The following SGSM1 variants were observed in gnomAD, a reference collection of about 807,000 sequenced individuals.
The protein encoded by SGSM1 is RUN and TBC1 domain containing 2.
A neutral mutation model predicts 133.8 loss-of-function variants in SGSM1; 73 were observed. The observed-to-expected ratio is 0.55, with a 90% confidence interval of 0.45 to 0.66. The LOEUF is 0.66. Ranked by LOEUF, SGSM1 falls within the 30% of genes least tolerant of loss-of-function variation. The pLI, the probability that SGSM1 is intolerant of heterozygous loss-of-function variation, is 0.00. For missense variants in SGSM1, 1,213 were observed against 1,448.1 expected (o/e 0.84, Z 2.64); for synonymous variants, 563 against 573.0 (o/e 0.98, Z 0.25).
rs1601891134 is a variant in SGSM1 at position 24,822,100 on chromosome 22, T to TTG, written c.63+15617_63+15618insGT. Among the ~76,000 whole-genome samples, 4 of 143,592 alleles carry TTG rather than the reference T, an allele frequency of 2.8e-5. No homozygotes were observed. The East Asian group carries it at 8.5e-4, about 30-fold the overall frequency. The allele number at this position is 143,592 out of a possible 152,430, so 94.2% of individuals were successfully genotyped here. A position where few individuals can be genotyped will look rare whatever the true frequency, so the allele number is the denominator to read the frequency against. ...TGTTCATCTCTCTCTTTTTTTTTTT[T>TTG]TTTTTTTTGAGACAGAGTCTTGCTC... On this transcript the variant is annotated intron_variant, in intron 2 of 24. Coordinates refer to ENST00000400358, the MANE Select transcript of SGSM1 (RefSeq NM_001098497.3).
chr22:24,816,417 C>CTTTTTTTTTTT (rs3062145), intron 2 of SGSM1, among the ~76,000 whole-genome samples: 5 of 130,100 alleles, frequency 3.8e-5, no homozygotes, highest in African/African-American at 8.4e-5. Context: ...TTTTTTCTTT[C>CTTTTTTTTTTT]TTTTTTTTTT....
At chr22:24,904,764 G>A (rs1384860721) in intron 20 of SGSM1, among the ~76,000 whole-genome samples, 3 of 152,118 alleles carry the variant, frequency 2.0e-5, no homozygotes, top group African/African-American at 7.2e-5. Context: ...TGGAGAGGAA[G>A]ACAGTGGGAA....
intron 8 of SGSM1, among the ~76,000 whole-genome samples, chr22:24,857,407 C>CAA (rs35981293): frequency 0.042 from 4,999 of 119,864 alleles, 413 homozygotes; most frequent in African/African-American, 0.14. Flanking sequence ...GACTCTGTCT[C>CAA]AAAAAAAAAA....
intron 2 of SGSM1, among the ~76,000 whole-genome samples, chr22:24,819,573 C>A (rs572393261): frequency 1.3e-5 from 2 of 152,320 alleles, no homozygotes; most frequent in East Asian, 1.9e-4. Context: ...TTTTTACTTA[C>A]CCAGAGTGCC....
At chr22:24,879,279 G>A (rs1932190198) in intron 13 of SGSM1, among the ~76,000 whole-genome samples, 183 bp from the exon 14 acceptor site, 1 of 152,176 alleles carries the variant, frequency 6.6e-6, no homozygotes, top group Non-Finnish European at 1.5e-5. Context: ...GGGAAAATCA[G>A]GGGGCCGGTA....
rs774822020 is a variant in SGSM1 at position 24,898,097 on chromosome 22, C to T, written c.2148C>T (p.Ser716=). Residue 716 remains serine (S), a synonymous_variant, in exon 19 of 25, where the codon TCC becomes TCT. Coordinates refer to ENST00000400358, the MANE Select transcript of SGSM1 (RefSeq NM_001098497.3). Reference sequence around the variant, plus strand: ...GTTCCCCAGACTCGGGTCATCCTTCCTCCCATAACTTCTCCTCGGGCCTCT... The same window carrying T: ...GTTCCCCAGACTCGGGTCATCCTTCTTCCCATAACTTCTCCTCGGGCCTCT... The part of the protein sequence containing the change: ...GTCSPDSGHP[S]SHNFSSGLSE... 9 of 1,613,992 alleles carry T rather than the reference C, an allele frequency of 5.6e-6. No homozygotes were observed. The highest frequency in any genetic ancestry group is 1.6e-4 in the Middle Eastern group (1 of 6,062).
chr22:24,900,676 C>A (rs1601973237), intron 19 of SGSM1, among the ~76,000 whole-genome samples: 1 of 152,278 alleles, frequency 6.6e-6, no homozygotes, highest in East Asian at 1.9e-4. Flanking sequence ...GGATTACAGG[C>A]ATGAGCCACG....
intron 18 of SGSM1, among the ~76,000 whole-genome samples, chr22:24,896,015 C>A (rs1027182869): frequency 1.3e-5 from 2 of 152,176 alleles, no homozygotes; most frequent in Non-Finnish European, 2.9e-5. Context: ...CGCCACTGCA[C>A]TCCAGCCTGG....
intron 2 of SGSM1, among the ~76,000 whole-genome samples, chr22:24,830,027 T>A (rs1929020312): frequency 6.7e-6 from 1 of 149,704 alleles, no homozygotes; most frequent in South Asian, 2.1e-4. Context: ...GTCCACAGTC[T>A]GGTCTGTGCC....
chr22:24,819,557 T>C (rs1928345876), intron 2 of SGSM1, among the ~76,000 whole-genome samples: 1 of 152,184 alleles, frequency 6.6e-6, no homozygotes. Flanking sequence ...GATTGACCTG[T>C]TGATGTTTTT....
At chr22:24,910,005 A>G (rs1933560616) in intron 21 of SGSM1, among the ~76,000 whole-genome samples, 1 of 152,228 alleles carries the variant, frequency 6.6e-6, no homozygotes, top group South Asian at 2.1e-4. Flanking sequence ...ATGGAATATT[A>G]TTTGGCAAAA....
intron 2 of SGSM1, among the ~76,000 whole-genome samples, chr22:24,821,581 A>G (rs1928472118): frequency 6.6e-6 from 1 of 152,192 alleles, no homozygotes; most frequent in African/African-American, 2.4e-5. Flanking sequence ...CTTCTCTACA[A>G]AAGCTCCAAA....
At chr22:24,882,901 T>C (rs565984056) in intron 14 of SGSM1, among the ~76,000 whole-genome samples, 22 of 151,356 alleles carry the variant, frequency 1.5e-4, no homozygotes, top group African/African-American at 5.1e-4. Context: ...TTTTTTTTTT[T>C]CTTTCTTTTT....
chr22:24,819,587 C>G (rs1452542151), intron 2 of SGSM1, among the ~76,000 whole-genome samples: 1 of 152,216 alleles, frequency 6.6e-6, no homozygotes, highest in Non-Finnish European at 1.5e-5. Flanking sequence ...GAGTGCCTCC[C>G]TTGATCTGGC....
chr22:24,868,750 C>T lies in SGSM1; in HGVS notation c.1186C>T (p.Arg396Ter), dbSNP rs1041327561. The T allele has an allele frequency of 5.6e-6, 9 of 1,613,868 alleles. No individual in the cohort carries two copies. The highest frequency in any genetic ancestry group is 7.6e-6 in the Non-Finnish European group (9 of 1,179,892). The stretch of plus-strand genomic sequence containing the variant: ...CAAAGTGTTTCCTAAACTGCGCAAG[C>T]GAAGCCCTCAGGGTTCTGCCGAGTC... Reference protein sequence around the residue: ...KGKVFPKLRKRSPQGSAESTS... With the variant: ...KGKVFPKLRK Residue 396 changes from arginine to a stop codon, truncating the protein, a stop_gained, in exon 12 of 25, where the codon CGA becomes TGA. Coordinates refer to ENST00000400358, the MANE Select transcript of SGSM1 (RefSeq NM_001098497.3). LOFTEE classifies it high-confidence loss of function.
chr22:24,859,831 A>G lies in SGSM1; in HGVS notation c.917A>G (p.Tyr306Cys). 6.2e-7 allele frequency: 1 copy of G among 1,613,750 alleles called. No homozygotes were observed. Among genetic ancestry groups the G allele is most frequent in the Non-Finnish European group, 8.5e-7 (1 of 1,179,784 alleles). Reference protein sequence around the residue: ...LMNGSVGDLDYEKSVYWDYAM... With the variant: ...LMNGSVGDLDCEKSVYWDYAM... The stretch of plus-strand genomic sequence containing the variant: ...AACGGGTCTGTGGGGGACCTGGACT[A>G]TGAGAAGAGGTAGGGCACTGGGTCT... Residue 306 changes from tyrosine (Y) to cysteine (C), a missense_variant, in exon 9 of 25, where the codon TAT becomes TGT. Coordinates refer to ENST00000400358, the MANE Select transcript of SGSM1 (RefSeq NM_001098497.3).
chr22:24,863,246 T>G (rs1931256868), intron 9 of SGSM1, among the ~76,000 whole-genome samples: 1 of 152,158 alleles, frequency 6.6e-6, no homozygotes, highest in South Asian at 2.1e-4. Context: ...AACCTCCGCC[T>G]CCTGGGTTCA....
intron 20 of SGSM1, among the ~76,000 whole-genome samples, chr22:24,902,707 T>A (rs2123714077): frequency 6.6e-6 from 1 of 151,586 alleles, no homozygotes; most frequent in South Asian, 2.1e-4. Context: ...ATAAAAATAA[T>A]AAAAATAATT....
At chr22:24,922,239 G>A (rs934977946) in intron 24 of SGSM1, among the ~76,000 whole-genome samples, 1 of 139,204 alleles carries the variant, frequency 7.2e-6, no homozygotes, top group Admixed American at 7.6e-5. Flanking sequence ...TTGGAGTGCA[G>A]TAGCCAATCC....
Sources: allele counts gnomAD v4.1 joint callset (sites outside exome capture counted in the v4.1 genomes callset), GRCh38; gene constraint gnomAD v4.1.1; transcripts MANE v1.5; gene names NCBI Gene and HGNC (gene_info 2026-07-23, HGNC 2026-07-21).